The following ADAMTS12 variants were observed in gnomAD, a reference collection of about 807,000 sequenced individuals.
ADAMTS12 encodes the protein A disintegrin and metalloproteinase with thrombospondin motifs 12.
ADAMTS12 carries 118 observed loss-of-function variants against 167.8 expected under a neutral mutation model. The ratio of observed to expected loss-of-function variants is 0.70; its 90% CI spans 0.61 to 0.82. ADAMTS12 has a LOEUF of 0.82. Ranked by LOEUF, ADAMTS12 falls within the 40% of genes least tolerant of loss-of-function variation. The probability of loss-of-function intolerance (pLI) is 0.00; values close to 1 mark genes in which losing one functional copy is unlikely to be tolerated. For missense variants in ADAMTS12, 1,916 were observed against 1,998.8 expected (o/e 0.96, Z 0.79); for synonymous variants, 704 against 716.9 (o/e 0.98, Z 0.29).
intron 2 of ADAMTS12, among the ~76,000 whole-genome samples, chr5:33,793,306 A>G (rs568401810): frequency 3.7e-4 from 56 of 152,380 alleles, no homozygotes; most frequent in African/African-American, 1.2e-3. Flanking sequence ...TCATGGGTGA[A>G]GGTCAGACCC....
At chr5:33,775,187 T>C (rs941392907) in intron 2 of ADAMTS12, among the ~76,000 whole-genome samples, 2 of 152,168 alleles carry the variant, frequency 1.3e-5, no homozygotes, top group African/African-American at 4.8e-5. Context: ...ATCCCATCAA[T>C]AGAGACGTTC....
chr5:33,823,948 G>T (rs1747962342), intron 2 of ADAMTS12, among the ~76,000 whole-genome samples: 1 of 152,088 alleles, frequency 6.6e-6, no homozygotes, highest in South Asian at 2.1e-4. Context: ...TGATCATTAT[G>T]CTATGCATAC....
chr5:33,728,981 T>C (rs1338909360), intron 3 of ADAMTS12, among the ~76,000 whole-genome samples: 2 of 152,234 alleles, frequency 1.3e-5, no homozygotes, highest in Admixed American at 1.3e-4. Context: ...CACATACATA[T>C]ATGTGTATAT....
intron 3 of ADAMTS12, among the ~76,000 whole-genome samples, chr5:33,692,908 A>G (rs1202242981): frequency 6.6e-6 from 1 of 152,228 alleles, no homozygotes; most frequent in Non-Finnish European, 1.5e-5. Context: ...TTCTTAAGAG[A>G]ACTGAAGGTA....
At chr5:33,713,863 T>G (rs1435655898) in intron 3 of ADAMTS12, among the ~76,000 whole-genome samples, 1 of 152,106 alleles carries the variant, frequency 6.6e-6, no homozygotes, top group East Asian at 1.9e-4. Context: ...TTGGGAGACA[T>G]TAAAAAACCC....
At chr5:33,622,613 A>G (rs1739389446) in intron 14 of ADAMTS12, among the ~76,000 whole-genome samples, 1 of 152,238 alleles carries the variant, frequency 6.6e-6, no homozygotes, top group Non-Finnish European at 1.5e-5. Context: ...AGATTGCAGC[A>G]CTGCACTCCA....
intron 16 of ADAMTS12, among the ~76,000 whole-genome samples, chr5:33,601,604 A>C (rs1579730346): frequency 6.6e-6 from 1 of 152,220 alleles, no homozygotes; most frequent in East Asian, 1.9e-4. Context: ...TCCTTCCTAC[A>C]AACAACTAGA....
In ADAMTS12 at chr5:33,546,213, G is replaced by A; in HGVS notation, c.4303-11C>T. 6.2e-7 allele frequency: 1 copy of A among 1,600,326 alleles called. No individual in the cohort carries two copies. The highest frequency in any genetic ancestry group is 8.5e-7 in the Non-Finnish European group (1 of 1,174,120). ...ACAGGACCTGGAGCACTGATACACA[G>A]CAGTGACAAGATTAGGTAAAAGTCA... On this transcript the variant is annotated splice_polypyrimidine_tract_variant and intron_variant, in intron 21 of 23. Transcript: ENST00000504830.
intron 3 of ADAMTS12, among the ~76,000 whole-genome samples, chr5:33,715,297 C>T (rs891532193): frequency 5.3e-5 from 8 of 151,900 alleles, no homozygotes; most frequent in Admixed American, 6.6e-5. Context: ...ATCAGTATGT[C>T]TCTATTCTGT....
chr5:33,525,041 T>C lies in ADAMTS12; in HGVS notation c.*2147A>G, dbSNP rs1163671275. 6.6e-6 allele frequency: 1 copy of C among 152,238 alleles called. No individual in the cohort carries two copies. Among genetic ancestry groups the C allele is most frequent in the Non-Finnish European group, 1.5e-5 (1 of 68,046 alleles). The allele number at this position is 152,238 out of a possible 1,614,324, so 9.4% of individuals were successfully genotyped here. A position where few individuals can be genotyped will look rare whatever the true frequency, so the allele number is the denominator to read the frequency against. ...AGCCTGGTCATACCCAGGTCTCTGA[T>C]GACACGTATTTGACCCTATGCTAGT... On this transcript the variant is annotated 3_prime_UTR_variant, in exon 24 of 24. Transcript: ENST00000504830.
rs542037865 is a variant in ADAMTS12 at position 33,700,859 on chromosome 5, C to T, written c.635-16804G>A. Among the ~76,000 whole-genome samples, 6 of 148,438 alleles carry T rather than the reference C, an allele frequency of 4.0e-5. 1 individual carries two copies. The South Asian group carries it at 1.1e-3, about 26-fold the overall frequency. ...ACTGTATGTGAATATACAATTATCT[C>T]AGTAATAATTTTATTTAAAAAGTAT... is the stretch of plus-strand genomic sequence containing the variant. On this transcript the variant is annotated intron_variant, in intron 3 of 23. Transcript: ENST00000504830.
chr5:33,778,467 C>G (rs909241198), intron 2 of ADAMTS12, among the ~76,000 whole-genome samples: 7 of 150,614 alleles, frequency 4.6e-5, no homozygotes, highest in Non-Finnish European at 8.8e-5. Flanking sequence ...ACTGGATATG[C>G]ACATTCAGAT....
chr5:33,809,478 A>G (rs76155257), intron 2 of ADAMTS12, among the ~76,000 whole-genome samples: 3,566 of 111,806 alleles, frequency 0.032, 136 homozygotes, highest in African/African-American at 0.093. Flanking sequence ...TACTTTCAAA[A>G]TTTTTATCTA....
rs188841867 is a variant in ADAMTS12, at chr5:33,742,701, A to G, written c.634+8703T>C. 1.4e-4 allele frequency among the ~76,000 whole-genome samples: 21 copies of G among 152,356 alleles called. No homozygotes were observed. In the East Asian group the frequency reaches 4.0e-3, roughly 29 times the overall value. ...CAAAGATGTGTCTACTGGTGGAAAT[A>G]AGATCCAAGTTCAACAGGATAATCA... is the stretch of plus-strand genomic sequence containing the variant. On this transcript the variant is annotated intron_variant, in intron 3 of 23. Coordinates refer to ENST00000504830, the MANE Select transcript of ADAMTS12 (RefSeq NM_030955.4).
chr5:33,796,494 G>C (rs943846363), intron 2 of ADAMTS12, among the ~76,000 whole-genome samples: 7 of 152,162 alleles, frequency 4.6e-5, no homozygotes, highest in African/African-American at 1.7e-4. Context: ...TACACCTGCA[G>C]TGCCTAAAAA....
chr5:33,780,171 T>C (rs1292486218), intron 2 of ADAMTS12, among the ~76,000 whole-genome samples: 6 of 152,160 alleles, frequency 3.9e-5, no homozygotes, highest in Non-Finnish European at 7.4e-5. Flanking sequence ...AAGATAAAGA[T>C]AGAAAATTAA....
intron 19 of ADAMTS12, among the ~76,000 whole-genome samples, chr5:33,571,630 C>A (rs1438673994): frequency 6.6e-6 from 1 of 150,982 alleles, no homozygotes; most frequent in African/African-American, 2.4e-5. Context: ...CACTAAATGC[C>A]CACAAGAGAA....
At chr5:33,831,417 C>T (rs1048726705) in intron 2 of ADAMTS12, among the ~76,000 whole-genome samples, 3 of 152,208 alleles carry the variant, frequency 2.0e-5, no homozygotes, top group African/African-American at 4.8e-5. Flanking sequence ...AGTTACCTGC[C>T]TAGCAAAAAT....
At chr5:33,611,380 G>A (rs76881222) in intron 16 of ADAMTS12, among the ~76,000 whole-genome samples, 1 of 151,156 alleles carries the variant, frequency 6.6e-6, no homozygotes. Context: ...GAAACAAAAT[G>A]GTAAGAGCAA....
Sources: allele counts gnomAD v4.1 joint callset (sites outside exome capture counted in the v4.1 genomes callset), GRCh38; gene constraint gnomAD v4.1.1; transcripts MANE v1.5; gene names NCBI Gene and HGNC (gene_info 2026-07-23, HGNC 2026-07-21).